Variants in FGF22 observed in about 807,000 individuals in gnomAD.
The protein encoded by FGF22 is FGF-22.
In FGF22, 11 loss-of-function variants were observed where a neutral mutation model predicts 10.3. That is an observed-to-expected ratio of 1.07 (90% CI 0.67 to 1.77). The LOEUF (loss-of-function observed/expected upper bound fraction) is 1.77, where lower values mean the gene tolerates loss of function less well. Ranked by LOEUF, FGF22 falls within the 40% of genes most tolerant of loss-of-function variation. The probability of loss-of-function intolerance (pLI) is 0.00; values close to 1 mark genes in which losing one functional copy is unlikely to be tolerated. For missense variants in FGF22, 317 were observed against 273.2 expected, an observed-to-expected ratio of 1.16 and a Z score of -1.13; for synonymous variants, 136 against 122.1, an observed-to-expected ratio of 1.11 and a Z score of -0.75.
chr19:640,129 C>T (rs1209539963), exon 1 of FGF22: 3 of 1,334,288 alleles, frequency 2.2e-6, no homozygotes, highest in East Asian at 6.2e-5. Context: ...GCTGGCGCCA[C>T]GGCCAGGACA....
At chr19:643,282 G>T in exon 2 of FGF22, 1 of 1,611,928 alleles carries the variant, frequency 6.2e-7, no homozygotes, top group Admixed American at 1.7e-5. Context: ...GGTCATCAAA[G>T]CAGTGTCCTC....
Position 643,309 on chromosome 19 carries a change from A to G in FGF22, c.289A>G (p.Met97Val), listed in dbSNP as rs1260048800. The change falls in exon 2 of 3, where the codon ATG becomes GTG. Residue 97 changes from methionine to valine, a missense_variant. Transcript: ENST00000215530. ...AGTGTCCTCAGGCTTCTACGTGGCC[A>G]TGAACCGCCGGGGCCGCCTCTACGG... 3.7e-6 allele frequency: 6 copies of G among 1,604,486 alleles called. No homozygotes were observed. In the African/African-American group the frequency reaches 6.8e-5, roughly 18 times the overall value.
chr19:642,836 T>G (rs894628777), intron 1 of FGF22, among the ~76,000 whole-genome samples: 2 of 130,716 alleles, frequency 1.5e-5, no homozygotes, highest in Non-Finnish European at 3.2e-5. Context: ...CCTCGTGGTG[T>G]TGCTGCCCCC....
chr19:640,098 G>A (rs766532254), exon 1 of FGF22: 3 of 1,397,040 alleles, frequency 2.1e-6, no homozygotes, highest in Non-Finnish European at 2.8e-6. Flanking sequence ...GTGGATCCCG[G>A]CGGCCGCGTG....
At chr19:640,135 G>A in exon 1 of FGF22, 2 of 1,318,626 alleles carry the variant, frequency 1.5e-6, no homozygotes, top group South Asian at 2.0e-5. Flanking sequence ...GCCACGGCCA[G>A]GACAGTGAGT....
At chr19:640,318 G>A in intron 1 of FGF22, 179 bp downstream of exon 1, 1 of 408,582 alleles carries the variant, frequency 2.4e-6, no homozygotes, top group Non-Finnish European at 4.2e-6. Context: ...GGGTTGCACT[G>A]TTAAAGCGAA....
At position 643,590 on chromosome 19, in the gene FGF22, GTCCTGGTC is replaced by G; in HGVS notation, c.505_512del (p.Val169ArgfsTer3). The G allele has an allele frequency of 6.5e-7, 1 of 1,546,188 alleles. No homozygotes were observed. Among genetic ancestry groups the G allele is most frequent in the African/African-American group, 1.4e-5 (1 of 73,446 alleles). On this transcript the variant is annotated frameshift_variant, in exon 3 of 3. Coordinates refer to ENST00000215530, the Ensembl canonical transcript of FGF22. LOFTEE classifies it high-confidence loss of function. Reference sequence around the variant, plus strand: ...CCACCTGTCCGCCCACTTCCTGCCCGTCCTGGTCTCCTGAGGCCCTGAGAGGCCGGCGG... The same window carrying G: ...CCACCTGTCCGCCCACTTCCTGCCCGTCCTGAGGCCCTGAGAGGCCGGCGG...
intron 1 of FGF22, chr19:641,125 C>G (rs1985883908): frequency 2.2e-6 from 1 of 455,358 alleles, no homozygotes; most frequent in African/African-American, 2.0e-5. Context: ...CTCTCCTGCC[C>G]TTCGTGCATT....
exon 3 of FGF22, chr19:643,459 GCCA>G: frequency 1.9e-6 from 3 of 1,611,510 alleles, no homozygotes; most frequent in Non-Finnish European, 2.5e-6. Flanking sequence ...GAAGAGAACG[GCCA>G]CAACACCTAC....
intron 1 of FGF22, among the ~76,000 whole-genome samples, chr19:642,712 G>A (rs1325387681): frequency 2.6e-5 from 4 of 151,556 alleles, no homozygotes; most frequent in Non-Finnish European, 4.4e-5. Flanking sequence ...TCTGAGGGCC[G>A]GGCTGGGGGC....
At chr19:643,481 G>C in exon 3 of FGF22, 2 of 1,611,308 alleles carry the variant, frequency 1.2e-6, no homozygotes, top group South Asian at 2.2e-5. Flanking sequence ...ACGCCTCACA[G>C]CGCTGGCGCC....
At position 640,152 on chromosome 19, in the gene FGF22, C is replaced by A; in HGVS notation, c.214+13C>A. The A allele has an allele frequency of 1.6e-6, 2 of 1,245,354 alleles. No homozygotes were observed. The highest frequency in any genetic ancestry group is 2.3e-5 in the South Asian group (1 of 43,080). 77.1% of individuals were successfully genotyped at this position (1,245,354 alleles called of 1,614,324 possible). A position where few individuals can be genotyped will look rare whatever the true frequency, so the allele number is the denominator to read the frequency against. On this transcript the variant is annotated intron_variant, in intron 1 of 2. Transcript: ENST00000215530. ...CACGGCCAGGACAGTGAGTGCGGGG[C>A]GGCGGGGGCCTGGGGTGGGGAGGCG...
At chr19:643,123 G>A (rs990277439) in intron 1 of FGF22, 112 bp from the exon 2 acceptor site, 19 of 820,492 alleles carry the variant, frequency 2.3e-5, no homozygotes, top group African/African-American at 1.7e-4. Flanking sequence ...TCGTGGTCCC[G>A]GGGGTCTCCT....
rs371851054 is a variant in FGF22, at chr19:643,444, G to A, written c.353G>A (p.Arg118His). 4.3e-5 allele frequency: 69 copies of A among 1,611,338 alleles called. No individual in the cohort carries two copies. Among genetic ancestry groups the A allele is most frequent in the Admixed American group, 8.3e-5 (5 of 59,954 alleles). Residue 118 changes from arginine (R) to histidine (H), a missense_variant, in exon 3 of 3, where the codon CGC (arginine) becomes CAC (histidine). Coordinates refer to ENST00000215530, the Ensembl canonical transcript of FGF22. Reference sequence around the variant, plus strand: ...ACCGTGGACTGCAGGTTCCGGGAGCGCATCGAAGAGAACGGCCACAACACC... The same window carrying A: ...ACCGTGGACTGCAGGTTCCGGGAGCACATCGAAGAGAACGGCCACAACACC...
At chr19:643,658 C>G in exon 3 of FGF22, 1 of 1,372,928 alleles carries the variant, frequency 7.3e-7, no homozygotes, top group Non-Finnish European at 9.7e-7. Flanking sequence ...GCGAGGGGCC[C>G]GGCCACGCTT....
chr19:641,413 A>G (rs1985896702), intron 1 of FGF22: 1 of 363,820 alleles, frequency 2.7e-6, no homozygotes, highest in South Asian at 2.0e-5. Context: ...CGTCTCTACC[A>G]AAAATACAAA....
Position 641,324 on chromosome 19 carries a change from C to T in FGF22, c.214+1185C>T, listed in dbSNP as rs1399533066. On this transcript the variant is annotated intron_variant, in intron 1 of 2. Transcript: ENST00000215530. ...GGGTGCAGTGGCTCACGTCGGTAAT[C>T]CCAGCACTTTGGGAGGCCGAGGCGG... 2.0e-5 allele frequency: 9 copies of T among 450,466 alleles called. 1 individual carries two copies. In the East Asian group the frequency reaches 2.8e-4, roughly 14 times the overall value. The allele number at this position is 450,466 out of a possible 1,614,324, so 27.9% of individuals were successfully genotyped here.
At chr19:641,513 T>A in intron 1 of FGF22, 1 of 296,844 alleles carries the variant, frequency 3.4e-6, no homozygotes, top group Non-Finnish European at 6.8e-6. Flanking sequence ...AGGTGGAGCT[T>A]GCAGTGAGCT....
At chr19:643,367 G>T (rs777683023) in intron 2 of FGF22, 29 bp downstream of exon 2, 12 of 1,602,160 alleles carry the variant, frequency 7.5e-6, no homozygotes, top group Non-Finnish European at 1.0e-5. Context: ...TGGGCGGCGC[G>T]GGCAGGGTGG....
Sources: gnomAD v4.1 joint callset for allele counts (sites outside exome capture counted in the v4.1 genomes callset) on GRCh38, gnomAD v4.1.1 for gene constraint, MANE v1.5 for transcripts, NCBI Gene and HGNC (gene_info 2026-07-23, HGNC 2026-07-21) for gene names.